Variants in SLCO6A1 observed in about 807,000 individuals in gnomAD.
The protein encoded by SLCO6A1 is cancer/testis antigen 48.
In SLCO6A1, 65 loss-of-function variants were observed where a neutral mutation model predicts 72.7. The ratio of observed to expected loss-of-function variants is 0.89; its 90% CI spans 0.73 to 1.10. The LOEUF is 1.10. SLCO6A1 is among the 50% of genes least tolerant of loss of function. The pLI is 0.00. For missense variants in SLCO6A1, 874 were observed against 872.6 expected (o/e 1.00, Z -0.02); for synonymous variants, 314 against 298.2 (o/e 1.05, Z -0.55).
intron 10 of SLCO6A1, among the ~76,000 whole-genome samples, chr5:102,398,594 A>G (rs1054664158): frequency 2.0e-5 from 3 of 152,142 alleles, no homozygotes; most frequent in Non-Finnish European, 2.9e-5. Context: ...TTCGCTCTTG[A>G]GGTTTGCAGT....
chr5:102,483,298 A>T (rs1477488844), intron 1 of SLCO6A1, among the ~76,000 whole-genome samples: 1 of 152,156 alleles, frequency 6.6e-6, no homozygotes, highest in African/African-American at 2.4e-5. Context: ...GGACAATCAG[A>T]TGTACTGCTC....
intron 1 of SLCO6A1, among the ~76,000 whole-genome samples, chr5:102,485,222 G>C (rs936990527): frequency 2.8e-4 from 43 of 151,774 alleles, no homozygotes; most frequent in African/African-American, 1.0e-3. Flanking sequence ...TTGCATTCCA[G>C]TCTGGGCAAC....
At chr5:102,374,369 A>C (rs963257117) in intron 12 of SLCO6A1, among the ~76,000 whole-genome samples, 5 of 152,084 alleles carry the variant, frequency 3.3e-5, no homozygotes, top group Non-Finnish European at 1.5e-5. Context: ...TACCCCTAAC[A>C]TAGCTTACTG....
At chr5:102,390,053 T>G (rs368699002) in intron 11 of SLCO6A1, among the ~76,000 whole-genome samples, 1 of 152,142 alleles carries the variant, frequency 6.6e-6, no homozygotes, top group Non-Finnish European at 1.5e-5. Context: ...GGGGTTATCT[T>G]TTAAATGTAA....
chr5:102,375,753 A>T (rs969629469), intron 12 of SLCO6A1, among the ~76,000 whole-genome samples: 1 of 152,178 alleles, frequency 6.6e-6, no homozygotes, highest in Admixed American at 6.6e-5. Flanking sequence ...ACTAGAAATT[A>T]AAAAAGCAAA....
At chr5:102,417,947 A>G (rs1748378083) in intron 8 of SLCO6A1, among the ~76,000 whole-genome samples, 1 of 151,822 alleles carries the variant, frequency 6.6e-6, no homozygotes, top group South Asian at 2.1e-4. Context: ...GTGGGCTGAG[A>G]TTGTGCCACT....
chr5:102,401,852 C>G (rs747125126), intron 9 of SLCO6A1, among the ~76,000 whole-genome samples: 1 of 152,038 alleles, frequency 6.6e-6, no homozygotes, highest in Non-Finnish European at 1.5e-5. Context: ...GGCAAAGGAG[C>G]TTTCATCCTA....
intron 6 of SLCO6A1, among the ~76,000 whole-genome samples, chr5:102,452,091 T>C (rs954397010): frequency 1.2e-4 from 18 of 152,216 alleles, no homozygotes; most frequent in Admixed American, 9.8e-4. Flanking sequence ...TCATTTTGTC[T>C]TTTACAGTTC....
chr5:102,409,769 G>T (rs1471327515), intron 9 of SLCO6A1, among the ~76,000 whole-genome samples: 2 of 152,096 alleles, frequency 1.3e-5, no homozygotes, highest in East Asian at 3.9e-4. Context: ...ACTCCTTAGA[G>T]AAATATAAAG....
At chr5:102,425,716 T>C (rs1487029681) in intron 7 of SLCO6A1, among the ~76,000 whole-genome samples, 3 of 152,136 alleles carry the variant, frequency 2.0e-5, no homozygotes, top group African/African-American at 7.2e-5. Flanking sequence ...TATAGATTTA[T>C]GCTATTCCCA....
At position 102,480,354 on chromosome 5, in the gene SLCO6A1, A is replaced by T; in HGVS notation, c.439T>A (p.Leu147Met). The change falls in exon 2 of 14, where the codon TTG becomes ATG. Residue 147 changes from leucine (L) to methionine (M), a missense_variant. Transcript: ENST00000506729. Reference protein sequence around the residue: ...YQLKTIEKLALEKSYDISSGL... With the variant: ...YQLKTIEKLAMEKSYDISSGL... ...GATGAAATATCGTAACTCTTTTCCA[A>T]TGCCAACTTCTCAATGGTTTTCAGT... is the stretch of plus-strand genomic sequence containing the variant. 6.8e-6 allele frequency: 11 copies of T among 1,613,660 alleles called. No individual in the cohort carries two copies. Among genetic ancestry groups the T allele is most frequent in the Non-Finnish European group, 9.3e-6 (11 of 1,179,770 alleles).
intron 1 of SLCO6A1, among the ~76,000 whole-genome samples, chr5:102,491,167 A>C (rs566533644): frequency 2.0e-5 from 3 of 152,308 alleles, no homozygotes. Flanking sequence ...CAGAGTGTCC[A>C]TTGGTGCATT....
At chr5:102,465,422 T>C (rs1751261994) in intron 4 of SLCO6A1, among the ~76,000 whole-genome samples, 2 of 152,126 alleles carry the variant, frequency 1.3e-5, no homozygotes, top group African/African-American at 4.8e-5. Context: ...CTCAATATAA[T>C]GAACACTTTA....
intron 4 of SLCO6A1, among the ~76,000 whole-genome samples, chr5:102,466,169 T>C (rs908729421): frequency 6.6e-6 from 1 of 152,008 alleles, no homozygotes; most frequent in African/African-American, 2.4e-5. Context: ...TCTGATCCTT[T>C]TCCTCCCCCC....
At chr5:102,463,896 GAAA>G (rs397697671) in intron 4 of SLCO6A1, among the ~76,000 whole-genome samples, 1 of 137,080 alleles carries the variant, frequency 7.3e-6, no homozygotes. Flanking sequence ...CAAAAAAGAA[GAAA>G]AAAAAAAAAA....
chr5:102,376,113 A>G (rs1745772676), intron 12 of SLCO6A1, among the ~76,000 whole-genome samples: 1 of 152,226 alleles, frequency 6.6e-6, no homozygotes, highest in Admixed American at 6.5e-5. Context: ...ACTTCTCGCC[A>G]GAAACAATGG....
At position 102,389,877 on chromosome 5, in the gene SLCO6A1, T is replaced by A. The variant is rs147808225; in HGVS notation, c.1880-1052A>T. 3.4e-4 allele frequency among the ~76,000 whole-genome samples: 52 copies of A among 152,116 alleles called. 1 individual carries two copies. In the East Asian group the frequency reaches 8.1e-3, roughly 24 times the overall value. The stretch of plus-strand genomic sequence containing the variant: ...GTATTTTTTCTTCTATCAGCAGAGT[T>A]ACCTTTTACTTTTTATTTTTAAAAA... On this transcript the variant is annotated intron_variant, in intron 11 of 13. Coordinates refer to ENST00000506729, the MANE Select transcript of SLCO6A1 (RefSeq NM_173488.5).
intron 6 of SLCO6A1, among the ~76,000 whole-genome samples, chr5:102,440,102 C>A (rs1749751156): frequency 1.3e-5 from 2 of 151,990 alleles, no homozygotes. Context: ...GTAAAAAAGC[C>A]CAAGAGAGAT....
intron 4 of SLCO6A1, among the ~76,000 whole-genome samples, chr5:102,470,173 T>C (rs540058969): frequency 1.3e-5 from 2 of 152,286 alleles, no homozygotes; most frequent in Non-Finnish European, 2.9e-5. Context: ...GCTGGCCTCA[T>C]AAAATGAGTT....
Sources: gnomAD v4.1 joint callset for allele counts (sites outside exome capture counted in the v4.1 genomes callset) on GRCh38, gnomAD v4.1.1 for gene constraint, MANE v1.5 for transcripts, NCBI Gene and HGNC (gene_info 2026-07-23, HGNC 2026-07-21) for gene names.